Variants in KIAA1217 observed in about 807,000 individuals in gnomAD.
KIAA1217 encodes sickle tail protein homolog.
In KIAA1217, 88 loss-of-function variants were observed where a neutral mutation model predicts 163.9. That is an observed-to-expected ratio of 0.54 (90% confidence interval 0.45 to 0.64). KIAA1217 has a LOEUF of 0.64. KIAA1217 is among the 30% of genes least tolerant of loss of function. The pLI is 0.00. For synonymous variants in KIAA1217, 903 were observed against 923.1 expected (o/e 0.98, Z 0.39); for missense variants, 2,372 against 2,475.0 (o/e 0.96, Z 0.88).
intron 2 of KIAA1217, among the ~76,000 whole-genome samples, chr10:24,008,009 T>G (rs1262220520): frequency 1.3e-5 from 2 of 152,344 alleles, no homozygotes; most frequent in Non-Finnish European, 2.9e-5. Context: ...GCCTAAATTC[T>G]GTTCATAAAT....
At chr10:23,998,167 C>T (rs1005527789) in intron 1 of KIAA1217, among the ~76,000 whole-genome samples, 17 of 152,086 alleles carry the variant, frequency 1.1e-4, no homozygotes, top group African/African-American at 4.1e-4. Flanking sequence ...AAAAAAAAGA[C>T]TTAACCTTAG....
At chr10:24,006,381 A>G (rs578248730) in intron 1 of KIAA1217, among the ~76,000 whole-genome samples, 17 of 152,270 alleles carry the variant, frequency 1.1e-4, no homozygotes, top group African/African-American at 3.8e-4. Flanking sequence ...GTTTCTCAGG[A>G]TCCTAAGAGG....
chr10:24,037,168 A>G (rs546237348), intron 2 of KIAA1217, among the ~76,000 whole-genome samples: 2 of 152,290 alleles, frequency 1.3e-5, no homozygotes, highest in South Asian at 2.1e-4. Flanking sequence ...GGGACCACAC[A>G]TAGGAATAAA....
At chr10:23,874,546 A>G (rs1207887119) in intron 1 of KIAA1217, among the ~76,000 whole-genome samples, 1 of 152,002 alleles carries the variant, frequency 6.6e-6, no homozygotes, top group Non-Finnish European at 1.5e-5. Context: ...AATTCACTTC[A>G]TACCCTTCAT....
intron 2 of KIAA1217, among the ~76,000 whole-genome samples, chr10:24,031,834 A>T (rs143662907): frequency 1.3e-5 from 2 of 152,244 alleles, no homozygotes; most frequent in East Asian, 3.9e-4. Flanking sequence ...TAATGGACTC[A>T]CTTTCTCCTT....
chr10:24,100,303 T>A (rs1005471868), intron 2 of KIAA1217, among the ~76,000 whole-genome samples: 1 of 152,222 alleles, frequency 6.6e-6, no homozygotes, highest in Non-Finnish European at 1.5e-5. Context: ...AAGGTTTCTG[T>A]GCAGACAGCG....
chr10:23,749,597 G>A (rs989082298), intron 1 of KIAA1217, among the ~76,000 whole-genome samples: 2 of 152,058 alleles, frequency 1.3e-5, no homozygotes, highest in Non-Finnish European at 2.9e-5. Flanking sequence ...TAGTAGAGAT[G>A]GCATTCACCA....
At chr10:24,391,333 CTT>C (rs768727392) in intron 3 of KIAA1217, among the ~76,000 whole-genome samples, 2 of 29,894 alleles carry the variant, frequency 6.7e-5, no homozygotes, top group Non-Finnish European at 1.0e-4. Context: ...TTCTTTCTTT[CTT>C]TTTTTTTTTT....
intron 2 of KIAA1217, among the ~76,000 whole-genome samples, chr10:24,057,240 C>G (rs1589327379): frequency 6.6e-6 from 1 of 152,054 alleles, no homozygotes; most frequent in South Asian, 2.1e-4. Context: ...GAGCAAGATC[C>G]TGTGTCAAAA....
At position 24,135,656 on chromosome 10, in the gene KIAA1217, G is replaced by C. The variant is rs907927888; in HGVS notation, c.-170-83970G>C. On this transcript the variant is annotated intron_variant, in intron 2 of 18. Coordinates refer to the KIAA1217 transcript ENST00000376462. Reference sequence around the variant, plus strand: ...ATGCAGCGTGGAGAGGAGATGGCAAGGTGAGCAAGGGGTGGGACATTCAAG... The same window carrying C: ...ATGCAGCGTGGAGAGGAGATGGCAACGTGAGCAAGGGGTGGGACATTCAAG... Among the ~76,000 whole-genome samples the C allele has an allele frequency of 2.0e-5, 3 of 152,070 alleles. No individual in the cohort carries two copies. In the East Asian group the frequency reaches 5.8e-4, roughly 29 times the overall value.
intron 6 of KIAA1217, among the ~76,000 whole-genome samples, chr10:24,477,490 C>CTA (rs2064173628): frequency 1.3e-5 from 2 of 152,220 alleles, no homozygotes; most frequent in South Asian, 4.1e-4. Context: ...CAAATGAGAA[C>CTA]TATAAGCCCC....
intron 1 of KIAA1217, among the ~76,000 whole-genome samples, chr10:23,980,130 C>T (rs923084676): frequency 1.3e-5 from 2 of 152,076 alleles, no homozygotes; most frequent in African/African-American, 4.8e-5. Flanking sequence ...TCCTTTCCTC[C>T]TGCTGTTTGT....
chr10:23,728,704 G>T (rs1307303744), intron 1 of KIAA1217, among the ~76,000 whole-genome samples: 1 of 152,090 alleles, frequency 6.6e-6, no homozygotes, highest in Non-Finnish European at 1.5e-5. Flanking sequence ...CATAGGCATG[G>T]GCAAAGACTT....
At chr10:23,853,681 A>C (rs1839484046) in intron 1 of KIAA1217, among the ~76,000 whole-genome samples, 1 of 152,094 alleles carries the variant, frequency 6.6e-6, no homozygotes, top group South Asian at 2.1e-4. Flanking sequence ...GATTATTGCC[A>C]CAATTTCAGA....
At chr10:24,228,686 T>G (rs1409523619) in intron 2 of KIAA1217, among the ~76,000 whole-genome samples, 1 of 152,180 alleles carries the variant, frequency 6.6e-6, no homozygotes. Flanking sequence ...AGTAGCTTCT[T>G]GGTTCTAGTA....
At chr10:23,916,088 G>C (rs142228297) in intron 1 of KIAA1217, among the ~76,000 whole-genome samples, 247 of 152,122 alleles carry the variant, frequency 1.6e-3, no homozygotes, top group Non-Finnish European at 2.6e-3. Context: ...TTCAGCCTCC[G>C]GTTGCATATG....
At chr10:24,495,027 C>A in intron 7 of KIAA1217, 120 bp from the exon 8 acceptor site, 2 of 788,944 alleles carry the variant, frequency 2.5e-6, no homozygotes, top group Non-Finnish European at 4.0e-6. Flanking sequence ...TGCTAAAATA[C>A]CTTCATTGCT....
intron 2 of KIAA1217, among the ~76,000 whole-genome samples, chr10:24,373,919 TAC>T (rs956661818): frequency 6.6e-6 from 1 of 152,142 alleles, no homozygotes; most frequent in Non-Finnish European, 1.5e-5. Context: ...AATGAAATAA[TAC>T]ACACAGAGAA....
intron 1 of KIAA1217, among the ~76,000 whole-genome samples, chr10:23,732,460 T>A (rs1348517443): frequency 6.6e-6 from 1 of 152,174 alleles, no homozygotes; most frequent in East Asian, 1.9e-4. Context: ...TGCATTGTAT[T>A]AGGTATTTTA....
Sources: gnomAD v4.1 joint callset for allele counts (sites outside exome capture counted in the v4.1 genomes callset) on GRCh38, gnomAD v4.1.1 for gene constraint, MANE v1.5 for transcripts, NCBI Gene and HGNC (gene_info 2026-07-23, HGNC 2026-07-21) for gene names.